The following VPS13B variants were observed in gnomAD, a reference collection of about 807,000 sequenced individuals.
VPS13B encodes the protein intermembrane lipid transfer protein VPS13B.
VPS13B carries 285 observed loss-of-function variants against 426.4 expected under a neutral mutation model. That is an observed-to-expected ratio of 0.67 (90% confidence interval 0.61 to 0.74). VPS13B has a LOEUF of 0.74. VPS13B is among the 30% of genes least tolerant of loss of function. The pLI is 0.00. For synonymous variants in VPS13B, 1,676 were observed against 1,676.4 expected (o/e 1.00, Z 0.01); for missense variants, 4,537 against 4,782.6 (o/e 0.95, Z 1.51).
At chr8:99,119,867 T>G (rs573927818) in intron 7 of VPS13B, among the ~76,000 whole-genome samples, 2 of 152,078 alleles carry the variant, frequency 1.3e-5, no homozygotes, top group Admixed American at 6.6e-5. Flanking sequence ...AATTTTTCCA[T>G]GGTGTTTTTT....
At chr8:99,406,540 A>G (rs1268541732) in intron 21 of VPS13B, among the ~76,000 whole-genome samples, 1 of 152,180 alleles carries the variant, frequency 6.6e-6, no homozygotes, top group South Asian at 2.1e-4. Context: ...TCATGGCACA[A>G]TTTCACTTCG....
At chr8:99,213,050 T>G (rs989553848) in intron 17 of VPS13B, among the ~76,000 whole-genome samples, 4 of 152,192 alleles carry the variant, frequency 2.6e-5, no homozygotes, top group African/African-American at 9.7e-5. Context: ...TCATTGTGAT[T>G]AATATATCAG....
intron 59 of VPS13B, 76 bp from the exon 60 acceptor site, chr8:99,870,709 A>G: frequency 7.3e-7 from 1 of 1,362,848 alleles, no homozygotes; most frequent in Non-Finnish European, 1.1e-6. Context: ...ATGGCTCTGA[A>G]CAGATGACAT....
At chr8:99,764,194 G>A (rs1188840772) in intron 39 of VPS13B, among the ~76,000 whole-genome samples, 2 of 152,058 alleles carry the variant, frequency 1.3e-5, no homozygotes, top group Non-Finnish European at 2.9e-5. Context: ...AAAATATAGT[G>A]AGTCCTGTGT....
Position 99,626,338 on chromosome 8 carries a change from A to G in VPS13B, c.5221-15473A>G, listed in dbSNP as rs543274387. Among the ~76,000 whole-genome samples the G allele has an allele frequency of 2.6e-5, 4 of 152,340 alleles. No individual in the cohort carries two copies. In the South Asian group the frequency reaches 8.3e-4, roughly 32 times the overall value. On this transcript the variant is annotated intron_variant, in intron 33 of 61. Coordinates refer to ENST00000357162, the MANE Select transcript of VPS13B (RefSeq NM_152564.5). Reference sequence around the variant, plus strand: ...TACAAAGGGAAAGAAGCTAGTCATTAAAGACTATATACTATATGGCTGCAT... The same window carrying G: ...TACAAAGGGAAAGAAGCTAGTCATTGAAGACTATATACTATATGGCTGCAT...
chr8:99,385,667 C>T (rs1814077657), intron 20 of VPS13B, among the ~76,000 whole-genome samples: 1 of 152,044 alleles, frequency 6.6e-6, no homozygotes, highest in Admixed American at 6.5e-5. Context: ...TATAGTAATG[C>T]CATTTTTAGT....
At position 99,832,609 on chromosome 8, in the gene VPS13B, G is replaced by A. The variant is rs760872985; in HGVS notation, c.9571G>A (p.Ala3191Thr). The change falls in exon 52 of 62, where the codon GCA becomes ACA. Residue 3191 changes from alanine (A) to threonine (T), a missense_variant. Around this residue, in one of 2 missense-constraint regions of VPS13B, gnomAD observed 4,311 missense variants for 4,474.3 expected, o/e 0.96. Coordinates refer to ENST00000357162, the MANE Select transcript of VPS13B (RefSeq NM_152564.5). Reference protein sequence around the residue: ...VRPEFPRQSVAVPLGNFRENG... With the variant: ...VRPEFPRQSVTVPLGNFRENG... ...ACCAGAGTTTCCCAGACAGAGTGTG[G>A]CAGTACCCCTCGGGAATTTCCGGGA... 6.2e-6 allele frequency: 10 copies of A among 1,613,884 alleles called. No individual in the cohort carries two copies. The highest frequency in any genetic ancestry group is 1.7e-4 in the Middle Eastern group (1 of 5,946).
At chr8:99,475,590 A>G (rs1819649672) in intron 24 of VPS13B, among the ~76,000 whole-genome samples, 1 of 152,204 alleles carries the variant, frequency 6.6e-6, no homozygotes, top group Non-Finnish European at 1.5e-5. Context: ...TTGGCTCAAA[A>G]CTAGAGTACT....
At chr8:99,351,584 T>C (rs944722523) in intron 19 of VPS13B, among the ~76,000 whole-genome samples, 1 of 152,106 alleles carries the variant, frequency 6.6e-6, no homozygotes, top group African/African-American at 2.4e-5. Context: ...GATCAAACAT[T>C]ACCTCTCTCA....
intron 19 of VPS13B, among the ~76,000 whole-genome samples, chr8:99,293,648 C>T (rs1180800696): frequency 2.0e-5 from 3 of 148,262 alleles, no homozygotes; most frequent in Non-Finnish European, 4.5e-5. Context: ...ACTCATCTGA[C>T]GAAGGGCTAA....
intron 23 of VPS13B, among the ~76,000 whole-genome samples, chr8:99,455,871 T>A (rs768458325): frequency 2.0e-5 from 3 of 152,242 alleles, no homozygotes; most frequent in Non-Finnish European, 2.9e-5. Flanking sequence ...CACCAGTTGA[T>A]ATGTACTTCT....
At position 99,643,954 on chromosome 8, in the gene VPS13B, G is replaced by A. The variant is rs552727399; in HGVS notation, c.5908+1456G>A. On this transcript the variant is annotated intron_variant, in intron 34 of 61. Coordinates refer to ENST00000357162, the MANE Select transcript of VPS13B (RefSeq NM_152564.5). ...ATACCTGATACCTGCTTGCAAGTCT[G>A]CTTGGCGTTAGCCAAAACTTAAGTG... 7.2e-5 allele frequency among the ~76,000 whole-genome samples: 11 copies of A among 152,290 alleles called. No individual in the cohort carries two copies. In the South Asian group the frequency reaches 2.3e-3, roughly 32 times the overall value.
intron 30 of VPS13B, among the ~76,000 whole-genome samples, chr8:99,523,095 G>A (rs77487859): frequency 0.021 from 3,159 of 152,296 alleles, 119 homozygotes; most frequent in African/African-American, 0.072. Context: ...AACTCAGAGA[G>A]ACAGAAAGTA....
chr8:99,657,125 G>A (rs1479535454), intron 34 of VPS13B, among the ~76,000 whole-genome samples: 1 of 151,984 alleles, frequency 6.6e-6, no homozygotes, highest in Non-Finnish European at 1.5e-5. Context: ...TTGGTTTATT[G>A]TGTCTCCTAT....
chr8:99,243,853 T>C (rs2132895288), intron 17 of VPS13B, among the ~76,000 whole-genome samples: 1 of 152,348 alleles, frequency 6.6e-6, no homozygotes, highest in East Asian at 1.9e-4. Context: ...TTTCTTCAAA[T>C]TGCTCACTTT....
At chr8:99,497,276 TTATA>T (rs1236267816) in intron 25 of VPS13B, among the ~76,000 whole-genome samples, 1 of 140,822 alleles carries the variant, frequency 7.1e-6, no homozygotes, top group African/African-American at 2.5e-5. Flanking sequence ...ATGTATATAT[TTATA>T]TATACATAAA....
At position 99,859,341 on chromosome 8, in the gene VPS13B, T is replaced by C. The variant is rs61754107; in HGVS notation, c.10905T>C (p.Pro3635=). ...GGTCTCTGGATATTCTTGGCAGCCC[T>C]GCAAGCCTGGTGAGAAGCATCGGGA... ...VVGSLDILGS[P]ASLVRSIGNG... Residue 3635 remains proline, a synonymous_variant, in exon 57 of 62, where the codon CCT becomes CCC. Coordinates refer to ENST00000357162, the MANE Select transcript of VPS13B (RefSeq NM_152564.5). The C allele has an allele frequency of 1.4e-3, 2,242 of 1,613,994 alleles. 2 individuals are homozygous for C. The highest frequency in any genetic ancestry group is 1.8e-3 in the Non-Finnish European group (2,134 of 1,179,982).
intron 17 of VPS13B, among the ~76,000 whole-genome samples, chr8:99,228,207 G>T (rs994052876): frequency 6.6e-6 from 1 of 152,136 alleles, no homozygotes; most frequent in African/African-American, 2.4e-5. Flanking sequence ...TTTGTAATTT[G>T]TGAAATGCTT....
chr8:99,720,599 T>C (rs985480544), intron 38 of VPS13B, 47 bp downstream of exon 38: 4 of 1,586,962 alleles, frequency 2.5e-6, no homozygotes, highest in Non-Finnish European at 3.5e-6. Flanking sequence ...TGCATGTGGT[T>C]GCATTTTAAA....
Sources: gnomAD v4.1 joint callset for allele counts (sites outside exome capture counted in the v4.1 genomes callset) on GRCh38, gnomAD v4.1.1 for gene constraint, gnomAD v4.1.1 regional missense constraint, MANE v1.5 for transcripts, NCBI Gene and HGNC (gene_info 2026-07-23, HGNC 2026-07-21) for gene names.